SYNE3: variants seen among roughly 807,000 people sequenced by gnomAD.
The protein encoded by SYNE3 is spectrin repeat containing nuclear envelope family member 3.
A neutral mutation model predicts 111.2 loss-of-function variants in SYNE3; 100 were observed. That is an observed-to-expected ratio of 0.90 (90% CI 0.77 to 1.06). The LOEUF is 1.06. Among genes scored for constraint, SYNE3 ranks in the 50% least tolerant of loss-of-function variants. The pLI is 0.00. For missense variants in SYNE3, 1,160 were observed against 1,240.3 expected, an observed-to-expected ratio of 0.94 and a Z score of 0.97; for synonymous variants, 547 against 533.9, an observed-to-expected ratio of 1.02 and a Z score of -0.34.
At chr14:95,503,162 G>A (rs1467875666) in intron 1 of SYNE3, among the ~76,000 whole-genome samples, 1 of 152,248 alleles carries the variant, frequency 6.6e-6, no homozygotes. Flanking sequence ...AAAGGGCTGG[G>A]TTTTGCAGCT....
chr14:95,417,187 C>T lies in SYNE3; in HGVS notation c.*639G>A, dbSNP rs1245948874. The T allele has an allele frequency of 1.3e-5, 2 of 159,078 alleles. No homozygotes were observed. Among genetic ancestry groups the T allele is most frequent in the Non-Finnish European group, 1.4e-5 (1 of 71,564 alleles). 9.9% of individuals were successfully genotyped at this position (159,078 alleles called of 1,614,324 possible). A position where few individuals can be genotyped will look rare whatever the true frequency, so the allele number is the denominator to read the frequency against. On this transcript the variant is annotated 3_prime_UTR_variant, in exon 18 of 18. Coordinates refer to ENST00000682763, the MANE Select transcript of SYNE3 (RefSeq NM_152592.6). ...CTCTTCTTTTTCTCCCTCGATATCA[C>T]TCTGTCACTTGTCACTGCTATCATT...
At chr14:95,489,395 G>T (rs1382797347) in intron 1 of SYNE3, among the ~76,000 whole-genome samples, 1 of 152,160 alleles carries the variant, frequency 6.6e-6, no homozygotes, top group East Asian at 1.9e-4. Context: ...TTGAGTTCAG[G>T]GACCTGAATC....
chr14:95,449,367 T>C (rs1175491527), intron 8 of SYNE3: 22 of 954,900 alleles, frequency 2.3e-5, no homozygotes, highest in Non-Finnish European at 2.7e-5. Flanking sequence ...GGGGAAGATT[T>C]GAAAGGCGGA....
intron 5 of SYNE3, chr14:95,456,154 T>G (rs1887426960): frequency 4.1e-6 from 1 of 245,090 alleles, no homozygotes; most frequent in East Asian, 8.0e-5. Context: ...GACAGTGATA[T>G]GTTTTCTTTC....
intron 1 of SYNE3, among the ~76,000 whole-genome samples, chr14:95,489,919 A>G (rs1379504583): frequency 3.3e-5 from 5 of 152,202 alleles, no homozygotes; most frequent in African/African-American, 1.2e-4. Context: ...GGCTTCCTTC[A>G]GGCCACGAGT....
At chr14:95,445,429 A>G (rs1173401179) in intron 9 of SYNE3, among the ~76,000 whole-genome samples, 1 of 152,230 alleles carries the variant, frequency 6.6e-6, no homozygotes, top group African/African-American at 2.4e-5. Context: ...CATAGTTATT[A>G]TTGTCATCAT....
chr14:95,503,260 G>A (rs1005490962), intron 1 of SYNE3, among the ~76,000 whole-genome samples: 1 of 152,196 alleles, frequency 6.6e-6, no homozygotes, highest in African/African-American at 2.4e-5. Context: ...TACCATGCAG[G>A]GTAAGCATTG....
chr14:95,476,559 T>C (rs1888902489), intron 1 of SYNE3, among the ~76,000 whole-genome samples: 1 of 152,264 alleles, frequency 6.6e-6, no homozygotes, highest in African/African-American at 2.4e-5. Context: ...GACTGTCCAT[T>C]TGACTTCCCC....
In SYNE3 at chr14:95,412,919, C is replaced by G. The variant is rs1477619677; in HGVS notation, c.*4907G>C. 1 of 152,216 alleles carries G rather than the reference C, an allele frequency of 6.6e-6. No individual in the cohort carries two copies. Among genetic ancestry groups the G allele is most frequent in the Non-Finnish European group, 1.5e-5 (1 of 68,052 alleles). 9.4% of individuals were successfully genotyped at this position (152,216 alleles called of 1,614,324 possible). A position where few individuals can be genotyped will look rare whatever the true frequency, so the allele number is the denominator to read the frequency against. ...AGAAGACAGAGCCACCTTTACCTAT[C>G]CCTCATTTCCTAAAGGCCATTGAGC... On this transcript the variant is annotated 3_prime_UTR_variant, in exon 18 of 18. Transcript: ENST00000682763.
At position 95,485,628 on chromosome 14, in the gene SYNE3, A is replaced by G. The variant is rs1889506129; in HGVS notation, c.-14-9793T>C. ...GCGTTTTTTTCCCTCTGCCCTCACCAGGCTGTCTCCTCTCCCTCTCCCCTT... is the reference window on the plus strand; with the variant it reads ...GCGTTTTTTTCCCTCTGCCCTCACCGGGCTGTCTCCTCTCCCTCTCCCCTT... On this transcript the variant is annotated intron_variant, in intron 1 of 17. Coordinates refer to ENST00000682763, the MANE Select transcript of SYNE3 (RefSeq NM_152592.6). The surrounding 1 kb of genome is among the most constrained non-coding windows in gnomAD (Gnocchi z 4.3). Among the ~76,000 whole-genome samples, 1 of 151,754 alleles carries G rather than the reference A, an allele frequency of 6.6e-6. No individual in the cohort carries two copies. Among genetic ancestry groups the G allele is most frequent in the African/African-American group, 2.4e-5 (1 of 41,274 alleles).
chr14:95,514,878 G>A (rs1008625935), intron 1 of SYNE3, among the ~76,000 whole-genome samples: 8 of 152,340 alleles, frequency 5.3e-5, no homozygotes, highest in Non-Finnish European at 8.8e-5. Flanking sequence ...CCGGCAGCCC[G>A]CTCCAGGCTG....
intron 17 of SYNE3, among the ~76,000 whole-genome samples, chr14:95,425,714 A>G (rs191014380): frequency 2.6e-4 from 39 of 152,352 alleles, no homozygotes; most frequent in Non-Finnish European, 4.6e-4. Flanking sequence ...GTCTATGGGA[A>G]TACTTTGTAC....
chr14:95,487,032 A>T lies in SYNE3; in HGVS notation c.-14-11197T>A, dbSNP rs1353818933. Among the ~76,000 whole-genome samples, 4 of 152,294 alleles carry T rather than the reference A, an allele frequency of 2.6e-5. No individual in the cohort carries two copies. In the East Asian group the frequency reaches 5.8e-4, roughly 22 times the overall value. On this transcript the variant is annotated intron_variant, in intron 1 of 17. Coordinates refer to ENST00000682763, the MANE Select transcript of SYNE3 (RefSeq NM_152592.6). Reference sequence around the variant, plus strand: ...TCCAGAATATTAGAGTCTGGGTGCCACAGCTCCAGTTAGTTCTGCCTGGAG... The same window carrying T: ...TCCAGAATATTAGAGTCTGGGTGCCTCAGCTCCAGTTAGTTCTGCCTGGAG...
Position 95,455,363 on chromosome 14 carries a change from C to A in SYNE3, c.1137+14G>T. The A allele has an allele frequency of 6.6e-7, 1 of 1,518,034 alleles. No individual in the cohort carries two copies. Among genetic ancestry groups the A allele is most frequent in the Non-Finnish European group, 8.8e-7 (1 of 1,133,870 alleles). 94.0% of individuals were successfully genotyped at this position (1,518,034 alleles called of 1,614,324 possible). Reference sequence around the variant, plus strand: ...CAGCACCCTGGGCTCCATGACTCGGCCAAGCACGCTTACCGAGTAGCGTCT... The same window carrying A: ...CAGCACCCTGGGCTCCATGACTCGGACAAGCACGCTTACCGAGTAGCGTCT... On this transcript the variant is annotated intron_variant, in intron 6 of 17. Coordinates refer to ENST00000682763, the MANE Select transcript of SYNE3 (RefSeq NM_152592.6).
intron 17 of SYNE3, among the ~76,000 whole-genome samples, chr14:95,425,243 C>CAA (rs71132347): frequency 2.1e-5 from 3 of 142,838 alleles, no homozygotes; most frequent in African/African-American, 7.8e-5. Flanking sequence ...GAGACTCCAT[C>CAA]AAAAAAAAAA....
At position 95,408,996 on chromosome 14, in the gene SYNE3, G is replaced by C. The variant is rs527821686; in HGVS notation, c.*8830C>G. The C allele has an allele frequency of 2.4e-5, 9 of 372,894 alleles. No individual in the cohort carries two copies. The highest frequency in any genetic ancestry group is 1.4e-4 in the South Asian group (7 of 50,660). 23.1% of individuals were successfully genotyped at this position (372,894 alleles called of 1,614,324 possible). A position where few individuals can be genotyped will look rare whatever the true frequency, so the allele number is the denominator to read the frequency against. ...GCTCCCTTCAGCGGTGGGAGTCAACGGACTTCCCCGCAGGAGTGGGCACAG... is the reference window on the plus strand; with the variant it reads ...GCTCCCTTCAGCGGTGGGAGTCAACCGACTTCCCCGCAGGAGTGGGCACAG... On this transcript the variant is annotated 3_prime_UTR_variant, in exon 18 of 18. Coordinates refer to ENST00000682763, the MANE Select transcript of SYNE3 (RefSeq NM_152592.6).
chr14:95,474,889 T>C (rs1329504674), intron 2 of SYNE3, among the ~76,000 whole-genome samples: 2 of 152,180 alleles, frequency 1.3e-5, no homozygotes, highest in African/African-American at 4.8e-5. Flanking sequence ...TGTTGGGTGA[T>C]AAATTAGAAT....
chr14:95,474,846 G>A (rs1888781286), intron 2 of SYNE3, among the ~76,000 whole-genome samples: 1 of 152,212 alleles, frequency 6.6e-6, no homozygotes, highest in Non-Finnish European at 1.5e-5. Flanking sequence ...TGCGGGAGAA[G>A]GCAGCACCCC....
At chr14:95,513,020 T>C (rs1890777334) in intron 1 of SYNE3, among the ~76,000 whole-genome samples, 1 of 152,156 alleles carries the variant, frequency 6.6e-6, no homozygotes, top group Non-Finnish European at 1.5e-5. Flanking sequence ...TGATTTTGCA[T>C]TATCATTCCC....
Sources: allele counts gnomAD v4.1 joint callset (sites outside exome capture counted in the v4.1 genomes callset), GRCh38; gene constraint gnomAD v4.1.1; non-coding constraint Gnocchi (gnomAD v3.1); transcripts MANE v1.5; gene names NCBI Gene and HGNC (gene_info 2026-07-23, HGNC 2026-07-21).